ANK1: variants seen among roughly 807,000 people sequenced by gnomAD.
ANK1 encodes the protein ankyrin-1.
Under a neutral mutation model 210.4 loss-of-function variants are expected in ANK1, and 51 were observed. That is an observed-to-expected ratio of 0.24 (90% CI 0.19 to 0.31). The LOEUF (loss-of-function observed/expected upper bound fraction) is 0.31, where lower values mean the gene tolerates loss of function less well. Among genes scored for constraint, ANK1 ranks in the 10% least tolerant of loss-of-function variants. The pLI is 1.00. For missense variants in ANK1, 2,051 were observed against 2,504.4 expected (o/e 0.82, Z 3.86); for synonymous variants, 967 against 1,025.9 (o/e 0.94, Z 1.10).
At chr8:41,726,042 C>G in intron 5 of ANK1, 96 bp from the exon 6 acceptor site, 1 of 1,406,136 alleles carries the variant, frequency 7.1e-7, no homozygotes, top group Non-Finnish European at 9.7e-7. Context: ...ATGCTCCCAG[C>G]AGCCCCAGCC....
chr8:41,817,438 C>T (rs1803517737), intron 1 of ANK1, among the ~76,000 whole-genome samples: 1 of 152,198 alleles, frequency 6.6e-6, no homozygotes, highest in Non-Finnish European at 1.5e-5. Context: ...TCCAGAGGCA[C>T]ATTCCTGCTG....
chr8:41,759,331 C>T (rs918610026), intron 1 of ANK1, among the ~76,000 whole-genome samples: 11 of 152,126 alleles, frequency 7.2e-5, no homozygotes, highest in African/African-American at 2.7e-4. Context: ...CATGGTGAAA[C>T]CCCATCTCTA....
In ANK1 at chr8:41,699,432, C is replaced by T. The variant is rs1356483238; in HGVS notation, c.2558+20G>A. 1.2e-6 allele frequency: 2 copies of T among 1,611,530 alleles called. No individual in the cohort carries two copies. Among genetic ancestry groups the T allele is most frequent in the South Asian group, 1.1e-5 (1 of 91,040 alleles). On this transcript the variant is annotated intron_variant, in intron 23 of 42. Coordinates refer to ENST00000289734, the MANE Select transcript of ANK1 (RefSeq NM_000037.4). ...TTGCATCTCGGCACCCCCGGGGACC[C>T]TCCCGGGAGCACTGCTCACACTTGG... is the stretch of plus-strand genomic sequence containing the variant.
chr8:41,690,337 T>C lies in ANK1; in HGVS notation c.3994A>G (p.Ser1332Gly). 6.2e-7 allele frequency: 1 copy of C among 1,614,256 alleles called. No individual in the cohort carries two copies. Among genetic ancestry groups the C allele is most frequent in the East Asian group, 2.2e-5 (1 of 44,886 alleles). ...AGGGACCCTCCCGGCTCTCGACTGCTGTCCCTCACCTAAACTCAATCACAC... is the reference window on the plus strand; with the variant it reads ...AGGGACCCTCCCGGCTCTCGACTGCCGTCCCTCACCTAAACTCAATCACAC... ...RLAMPVKVRD[S>G]SREPGGSLSF... Residue 1332 changes from serine to glycine, a missense_variant, in exon 33 of 43, where the codon AGC becomes GGC. Ser to Gly is a moderately conservative substitution (Grantham distance 56). Around this residue, in one of 6 missense-constraint regions of ANK1, gnomAD observed 1,413 missense variants for 1,707.4 expected, o/e 0.83. Transcript: ENST00000289734.
At chr8:41,714,070 G>C (rs1826919579) in intron 16 of ANK1, 86 bp downstream of exon 16, 2 of 980,304 alleles carry the variant, frequency 2.0e-6, no homozygotes, top group Non-Finnish European at 2.7e-6. Flanking sequence ...CCCTTGGGCT[G>C]CTGTGGAAAC....
intron 22 of ANK1, chr8:41,700,322 C>A: frequency 8.1e-7 from 1 of 1,237,056 alleles, no homozygotes; most frequent in Non-Finnish European, 1.2e-6. Flanking sequence ...AGCTTATTAG[C>A]TGTCAGAGGA....
At chr8:41,748,759 G>A (rs1486203914) in intron 2 of ANK1, among the ~76,000 whole-genome samples, 1 of 152,242 alleles carries the variant, frequency 6.6e-6, no homozygotes, top group Admixed American at 6.5e-5. Context: ...AATGAAGCCA[G>A]GCGCGGTGGC....
intron 1 of ANK1, among the ~76,000 whole-genome samples, chr8:41,883,747 A>G (rs1817989269): frequency 6.6e-6 from 1 of 152,174 alleles, no homozygotes; most frequent in African/African-American, 2.4e-5. Context: ...GGCATGAGCT[A>G]CAGCACCTGG....
At chr8:41,851,755 G>A (rs960595005) in intron 1 of ANK1, among the ~76,000 whole-genome samples, 2 of 152,212 alleles carry the variant, frequency 1.3e-5, no homozygotes, top group African/African-American at 4.8e-5. Context: ...TCCTCAGGAG[G>A]CTGAGGTGGG....
intron 1 of ANK1, chr8:41,829,786 A>G (rs1806238355): frequency 6.6e-6 from 1 of 151,898 alleles, no homozygotes; most frequent in Non-Finnish European, 1.5e-5. Context: ...AATACAAAAA[A>G]TTAGCCGGGC....
intron 31 of ANK1, 150 bp from the exon 32 acceptor site, chr8:41,690,749 G>A: frequency 7.4e-7 from 1 of 1,345,482 alleles, no homozygotes; most frequent in Non-Finnish European, 1.0e-6. Flanking sequence ...GTTTGTTTTG[G>A]GAAAGGCTTT....
At chr8:41,806,174 G>A (rs962331438) in intron 1 of ANK1, among the ~76,000 whole-genome samples, 1 of 152,186 alleles carries the variant, frequency 6.6e-6, no homozygotes, top group Admixed American at 6.5e-5. Context: ...GGAAGTTTAG[G>A]CACTCAAATA....
chr8:41,794,621 T>G (rs912194788), intron 1 of ANK1, among the ~76,000 whole-genome samples: 26 of 152,254 alleles, frequency 1.7e-4, no homozygotes, highest in African/African-American at 6.3e-4. Context: ...TTTGTCAGTT[T>G]TATTCACTGC....
At chr8:41,879,304 G>A (rs549864949) in intron 1 of ANK1, among the ~76,000 whole-genome samples, 7 of 152,184 alleles carry the variant, frequency 4.6e-5, no homozygotes, top group Non-Finnish European at 7.4e-5. Context: ...GTGAGAGATC[G>A]AATGAGATAA....
intron 42 of ANK1, among the ~76,000 whole-genome samples, chr8:41,656,449 G>A (rs1427960229): frequency 2.0e-5 from 3 of 152,218 alleles, no homozygotes; most frequent in Non-Finnish European, 4.4e-5. Flanking sequence ...TCCTCCTCCT[G>A]TATTGAGTCT....
At chr8:41,887,311 C>T (rs757658378) in intron 1 of ANK1, among the ~76,000 whole-genome samples, 1 of 139,586 alleles carries the variant, frequency 7.2e-6, no homozygotes. Context: ...TGCTGTGGTA[C>T]CATCATAGCT....
chr8:41,879,947 C>A (rs1817290459), intron 1 of ANK1, among the ~76,000 whole-genome samples: 1 of 152,158 alleles, frequency 6.6e-6, no homozygotes, highest in African/African-American at 2.4e-5. Context: ...ATTCAACCAA[C>A]GAGTCGTGGG....
intron 1 of ANK1, among the ~76,000 whole-genome samples, chr8:41,760,075 C>A (rs948106050): frequency 4.6e-5 from 7 of 152,198 alleles, no homozygotes; most frequent in African/African-American, 1.7e-4. Flanking sequence ...ACGTCACCCA[C>A]CCCATGCATC....
chr8:41,828,533 G>C (rs751085531), intron 1 of ANK1: 2 of 154,278 alleles, frequency 1.3e-5, no homozygotes, highest in Non-Finnish European at 2.9e-5. Context: ...CAGGTGGAGC[G>C]AGTCTCCTCC....
Sources: gnomAD v4.1 joint callset for allele counts (sites outside exome capture counted in the v4.1 genomes callset) on GRCh38, gnomAD v4.1.1 for gene constraint, gnomAD v4.1.1 regional missense constraint, MANE v1.5 for transcripts, NCBI Gene and HGNC (gene_info 2026-07-23, HGNC 2026-07-21) for gene names.